Variants in CDH8 observed in about 807,000 individuals in gnomAD.
CDH8 encodes cadherin 8.
CDH8 carries 17 observed loss-of-function variants against 68.1 expected under a neutral mutation model. The observed-to-expected ratio is 0.25, with a 90% CI of 0.17 to 0.37. The LOEUF (loss-of-function observed/expected upper bound fraction) is 0.37. CDH8 is among the 10% of genes least tolerant of loss of function. The pLI, the probability that CDH8 is intolerant of heterozygous loss-of-function variation, is 1.00. For synonymous variants in CDH8, 372 were observed against 365.1 expected (o/e 1.02, Z -0.21); for missense variants, 763 against 999.3 (o/e 0.76, Z 3.19).
chr16:61,689,712 A>T (rs61454184), intron 10 of CDH8, among the ~76,000 whole-genome samples: 94,034 of 151,858 alleles, frequency 0.62, 30,783 homozygotes, highest in African/African-American at 0.84. Context: ...CAGAATCTTT[A>T]TTTTTCTTCA....
intron 2 of CDH8, among the ~76,000 whole-genome samples, chr16:61,921,678 AG>A (rs1369554183): frequency 6.6e-6 from 1 of 152,212 alleles, no homozygotes; most frequent in African/African-American, 2.4e-5. Context: ...ATTATTAATC[AG>A]CAAAAGAGCC....
chr16:61,760,965 CAA>C (rs938612024), intron 8 of CDH8, among the ~76,000 whole-genome samples: 21 of 151,994 alleles, frequency 1.4e-4, no homozygotes, highest in Non-Finnish European at 2.4e-4. Context: ...TTGTGTTTTC[CAA>C]AAGAGTATCA....
rs1267289028 is a variant in CDH8 at position 61,653,939 on chromosome 16, C to G, written c.2069G>C (p.Gly690Ala). The G allele has an allele frequency of 1.9e-6, 3 of 1,614,164 alleles. No individual in the cohort carries two copies. The Admixed American group carries it at 5.0e-5, about 27-fold the overall frequency. ...FDIATLQNPD[G>A]INGFLPRKDI... Reference sequence around the variant, plus strand: ...CTTACGGGGTAAAAATCCATTAATTCCATCTGGATTTTGTAAAGTTGCAAT... The same window carrying G: ...CTTACGGGGTAAAAATCCATTAATTGCATCTGGATTTTGTAAAGTTGCAAT... The change falls in exon 12 of 12, where the codon GGA (glycine) becomes GCA (alanine). Residue 690 changes from glycine to alanine, a missense_variant. Transcript: ENST00000577390.
intron 8 of CDH8, among the ~76,000 whole-genome samples, chr16:61,768,372 TTCTC>T (rs751682006): frequency 3.9e-4 from 15 of 38,940 alleles, no homozygotes; most frequent in Admixed American, 6.7e-4. Flanking sequence ...CTCTCTCCCT[TTCTC>T]TCTCTCTCTC....
chr16:61,825,832 T>C (rs557434891), intron 4 of CDH8, among the ~76,000 whole-genome samples: 2 of 152,010 alleles, frequency 1.3e-5, no homozygotes, highest in South Asian at 4.2e-4. Context: ...AAAAGGTGTA[T>C]AAAATATAAA....
Position 61,651,381 on chromosome 16 carries a change from T to A in CDH8, c.*2227A>T. 1 of 152,180 alleles carries A rather than the reference T, an allele frequency of 6.6e-6. No homozygotes were observed. The highest frequency in any genetic ancestry group is 1.9e-4 in the East Asian group (1 of 5,192). 9.4% of individuals were successfully genotyped at this position (152,180 alleles called of 1,614,324 possible). ...CGTAATAATACGCATAAAAGATGACTTATTCTCAGCAACAGAAACTCAATA... is the reference window on the plus strand; with the variant it reads ...CGTAATAATACGCATAAAAGATGACATATTCTCAGCAACAGAAACTCAATA... On this transcript the variant is annotated 3_prime_UTR_variant, in exon 12 of 12. Transcript: ENST00000577390.
intron 9 of CDH8, 107 bp from the exon 10 acceptor site, chr16:61,714,065 ACT>A (rs1964678090): frequency 1.3e-6 from 1 of 746,316 alleles, no homozygotes; most frequent in East Asian, 2.5e-5. Context: ...TGGCTCAGAG[ACT>A]CTTTTTCAGC....
chr16:61,678,845 CTTT>C (rs904695015), intron 10 of CDH8, among the ~76,000 whole-genome samples: 6 of 152,068 alleles, frequency 3.9e-5, no homozygotes, highest in Middle Eastern at 3.2e-3. Flanking sequence ...TTACTGGCTT[CTTT>C]ATCTTCGACC....
chr16:61,821,107 T>TA lies in CDH8; in HGVS notation c.841dup (p.Tyr281LeufsTer22). 6.3e-7 allele frequency: 1 copy of TA among 1,599,118 alleles called. No individual in the cohort carries two copies. The highest frequency in any genetic ancestry group is 8.5e-7 in the Non-Finnish European group (1 of 1,171,236). ...CACATCTTCCGGTACTGAGAAGTGATACAGGCCTTTAAAAAGAGGAGAAAC... is the reference window on the plus strand; with the variant it reads ...CACATCTTCCGGTACTGAGAAGTGATAACAGGCCTTTAAAAAGAGGAGAAAC... On this transcript the variant is annotated frameshift_variant, in exon 6 of 12. Coordinates refer to ENST00000577390, the MANE Select transcript of CDH8 (RefSeq NM_001796.5). LOFTEE classifies it high-confidence loss of function.
chr16:61,963,089 T>G (rs1251278615), intron 2 of CDH8, among the ~76,000 whole-genome samples: 1 of 152,214 alleles, frequency 6.6e-6, no homozygotes, highest in African/African-American at 2.4e-5. Flanking sequence ...TTCATTCCAA[T>G]TATGAGGTTG....
chr16:61,671,661 T>C (rs1381197640), intron 10 of CDH8, among the ~76,000 whole-genome samples: 1 of 152,048 alleles, frequency 6.6e-6, no homozygotes, highest in Non-Finnish European at 1.5e-5. Context: ...AAAATTATCA[T>C]TCAAGCAGTG....
At chr16:62,008,530 G>A (rs533311070) in intron 2 of CDH8, among the ~76,000 whole-genome samples, 1 of 151,944 alleles carries the variant, frequency 6.6e-6, no homozygotes, top group South Asian at 2.1e-4. Flanking sequence ...GGAGGGTCTC[G>A]CTGTGTTGCC....
intron 4 of CDH8, among the ~76,000 whole-genome samples, chr16:61,839,058 T>G (rs1283727370): frequency 6.6e-6 from 1 of 152,140 alleles, no homozygotes; most frequent in African/African-American, 2.4e-5. Context: ...ATTTTCTAAC[T>G]CTAATTCAAA....
chr16:61,869,251 C>T (rs1963312862), intron 3 of CDH8, among the ~76,000 whole-genome samples: 1 of 152,026 alleles, frequency 6.6e-6, no homozygotes, highest in Non-Finnish European at 1.5e-5. Context: ...TCCTTCTTGG[C>T]CCTTAGGGAG....
chr16:61,746,327 G>C (rs1960019191), intron 8 of CDH8, among the ~76,000 whole-genome samples: 1 of 151,894 alleles, frequency 6.6e-6, no homozygotes, highest in South Asian at 2.1e-4. Context: ...ATTTCCATGT[G>C]GTCTCTATGC....
intron 10 of CDH8, among the ~76,000 whole-genome samples, chr16:61,665,265 T>C (rs1567410187): frequency 6.6e-6 from 1 of 151,902 alleles, no homozygotes; most frequent in African/African-American, 2.4e-5. Context: ...CTACCTTGCA[T>C]ACCCCACACT....
intron 3 of CDH8, among the ~76,000 whole-genome samples, chr16:61,882,229 G>A (rs917130164): frequency 6.6e-5 from 10 of 152,116 alleles, no homozygotes; most frequent in East Asian, 1.9e-4. Flanking sequence ...TGTTTTACTC[G>A]ATGGATATAA....
intron 8 of CDH8, among the ~76,000 whole-genome samples, chr16:61,762,211 A>T (rs1960488520): frequency 6.6e-6 from 1 of 152,144 alleles, no homozygotes; most frequent in Non-Finnish European, 1.5e-5. Context: ...ACAAACACAT[A>T]TACTCGCAAT....
intron 10 of CDH8, among the ~76,000 whole-genome samples, chr16:61,707,515 A>T (rs1404471524): frequency 6.6e-6 from 1 of 152,026 alleles, no homozygotes; most frequent in Non-Finnish European, 1.5e-5. Context: ...AATTTTTTTC[A>T]TGTTTATCTA....
Sources: gnomAD v4.1 joint callset for allele counts (sites outside exome capture counted in the v4.1 genomes callset) on GRCh38, gnomAD v4.1.1 for gene constraint, MANE v1.5 for transcripts, NCBI Gene and HGNC (gene_info 2026-07-23, HGNC 2026-07-21) for gene names.